Variants in POLR1D observed in about 807,000 individuals in gnomAD.
POLR1D encodes RNA polymerase I and III subunit D.
POLR1D carries 8 observed loss-of-function variants against 10.8 expected under a neutral mutation model. That is an observed-to-expected ratio of 0.74 (90% CI 0.43 to 1.33). The LOEUF (loss-of-function observed/expected upper bound fraction) is 1.33. POLR1D is among the 40% of genes most tolerant of loss of function. POLR1D has a pLI of 0.01. For synonymous variants in POLR1D, 54 were observed against 57.2 expected (o/e 0.94, Z 0.25); for missense variants, 152 against 161.7 (o/e 0.94, Z 0.32).
intron 1 of POLR1D, chr13:27,648,121 G>A (rs1956236373): frequency 3.0e-6 from 1 of 338,238 alleles, no homozygotes; most frequent in African/African-American, 2.1e-5. Context: ...TTATATTAAG[G>A]ATATATGATT....
intron 1 of POLR1D, among the ~76,000 whole-genome samples, chr13:27,638,453 TAAA>T (rs1956146222): frequency 6.6e-6 from 1 of 152,258 alleles, no homozygotes; most frequent in Non-Finnish European, 1.5e-5. Context: ...TGTGTATTTT[TAAA>T]TGAAAACACT....
chr13:27,642,723 A>T (rs192382596), intron 1 of POLR1D, among the ~76,000 whole-genome samples: 1 of 152,206 alleles, frequency 6.6e-6, no homozygotes. Context: ...AAAAATAGCT[A>T]TCATATTTCT....
At chr13:27,631,689 CG>C (rs1340982919) in intron 1 of POLR1D, among the ~76,000 whole-genome samples, 15 of 151,966 alleles carry the variant, frequency 9.9e-5, no homozygotes, top group Non-Finnish European at 1.9e-4. Flanking sequence ...ATCTCCTTGG[CG>C]GCAAGGGCTT....
rs1956381415 is a variant in POLR1D, at chr13:27,663,196, C to T, written c.102-2490C>T. Among the ~76,000 whole-genome samples, 1 of 151,944 alleles carries T rather than the reference C, an allele frequency of 6.6e-6. No individual in the cohort carries two copies. Among genetic ancestry groups the T allele is most frequent in the Non-Finnish European group, 1.5e-5 (1 of 68,006 alleles). On this transcript the variant is annotated intron_variant, in intron 2 of 2. Transcript: ENST00000399697. This position sits in a 1 kb window ranked among gnomAD's most constrained non-coding sequence, Gnocchi z 4.1. The stretch of plus-strand genomic sequence containing the variant: ...TATGTACCTTCACATCTGCTTGCAA[C>T]TACTGTATCTCATTGCCCTGCCCTA...
intron 1 of POLR1D, among the ~76,000 whole-genome samples, chr13:27,630,580 C>T (rs1455083118): frequency 8.5e-5 from 13 of 152,156 alleles, no homozygotes; most frequent in Admixed American, 8.5e-4. Context: ...TCCACACTTC[C>T]TATCTTATGA....
intron 2 of POLR1D, chr13:27,649,919 A>G (rs1303235808): frequency 2.5e-6 from 1 of 395,892 alleles, no homozygotes; most frequent in African/African-American, 2.1e-5. Context: ...CCCCAAGACT[A>G]TCCTTACTTC....
chr13:27,635,149 A>G (rs1956110538), intron 1 of POLR1D, among the ~76,000 whole-genome samples: 1 of 152,220 alleles, frequency 6.6e-6, no homozygotes, highest in Admixed American at 6.5e-5. Context: ...ACATGAAAAG[A>G]ATCAAATGAA....
chr13:27,636,291 A>C (rs1956123512), intron 1 of POLR1D, among the ~76,000 whole-genome samples: 1 of 152,212 alleles, frequency 6.6e-6, no homozygotes, highest in Admixed American at 6.5e-5. Context: ...CAAAAACCAG[A>C]TATTATTTAG....
At chr13:27,632,287 G>T (rs1230503840) in intron 1 of POLR1D, among the ~76,000 whole-genome samples, 1 of 152,172 alleles carries the variant, frequency 6.6e-6, no homozygotes, top group African/African-American at 2.4e-5. Context: ...GGGAAAAAGT[G>T]GTAGGATTGT....
At chr13:27,652,039 G>C (rs1296098165) in intron 2 of POLR1D, among the ~76,000 whole-genome samples, 1 of 152,122 alleles carries the variant, frequency 6.6e-6, no homozygotes, top group East Asian at 1.9e-4. Flanking sequence ...TTAGGCACAG[G>C]GTGCTTTGGT....
chr13:27,665,305 C>T lies in POLR1D; in HGVS notation c.102-381C>T, dbSNP rs552778888. 7.5e-5 allele frequency: 16 copies of T among 214,604 alleles called. No individual in the cohort carries two copies. In the South Asian group the frequency reaches 1.0e-3, roughly 14 times the overall value. The allele number at this position is 214,604 out of a possible 1,614,324, so 13.3% of individuals were successfully genotyped here. A position where few individuals can be genotyped will look rare whatever the true frequency, so the allele number is the denominator to read the frequency against. On this transcript the variant is annotated intron_variant, in intron 2 of 2. Coordinates refer to the POLR1D transcript ENST00000399697. ...CAGTTTTCACTGTCTGGTAATAAAA[C>T]GCAAGATGCAATAAATTTAATCCAA...
In POLR1D at chr13:27,663,542, TC is replaced by T. The variant is rs1401546224; in HGVS notation, c.102-2140del. Among the ~76,000 whole-genome samples, 1 of 152,232 alleles carries T rather than the reference TC, an allele frequency of 6.6e-6. No homozygotes were observed. Among genetic ancestry groups the T allele is most frequent in the Non-Finnish European group, 1.5e-5 (1 of 68,042 alleles). The stretch of plus-strand genomic sequence containing the variant: ...ACTAGCAGTTGGAAGATAGGTGCAG[TC>T]CCCTCTGCCTCTTGGCGTGAATGCT... On this transcript the variant is annotated intron_variant, in intron 2 of 2. Transcript: ENST00000399697. This position sits in a 1 kb window ranked among gnomAD's most constrained non-coding sequence, Gnocchi z 4.1.
chr13:27,628,732 C>T (rs891567739), intron 1 of POLR1D, among the ~76,000 whole-genome samples: 1 of 152,160 alleles, frequency 6.6e-6, no homozygotes, highest in African/African-American at 2.4e-5. Flanking sequence ...TTGGACTACT[C>T]TGTGGGAAGG....
chr13:27,643,356 A>G (rs533587594), intron 1 of POLR1D, among the ~76,000 whole-genome samples: 10 of 152,250 alleles, frequency 6.6e-5, no homozygotes, highest in African/African-American at 1.9e-4. Flanking sequence ...GCTTTTCACA[A>G]TTTGAATTTT....
At chr13:27,629,341 G>A (rs1485490686) in intron 1 of POLR1D, among the ~76,000 whole-genome samples, 3 of 152,184 alleles carry the variant, frequency 2.0e-5, no homozygotes, top group South Asian at 4.1e-4. Flanking sequence ...TCTGCAAATT[G>A]GGATAACAAT....
intron 1 of POLR1D, among the ~76,000 whole-genome samples, chr13:27,643,636 A>C (rs1214293707): frequency 1.3e-5 from 2 of 152,178 alleles, no homozygotes; most frequent in African/African-American, 2.4e-5. Flanking sequence ...CCTGACATCA[A>C]AACTTTACTG....
chr13:27,647,288 A>G (rs1347294777), intron 1 of POLR1D, among the ~76,000 whole-genome samples: 1 of 152,202 alleles, frequency 6.6e-6, no homozygotes, highest in African/African-American at 2.4e-5. Flanking sequence ...ATACATGTTC[A>G]TTGTAGAAAA....
rs1956388698 is a variant in POLR1D at position 27,663,800 on chromosome 13, AGAATTCTTCTGT to A, written c.102-1885_102-1874del. Among the ~76,000 whole-genome samples the A allele has an allele frequency of 6.6e-6, 1 of 152,192 alleles. No homozygotes were observed. Among genetic ancestry groups the A allele is most frequent in the African/African-American group, 2.4e-5 (1 of 41,444 alleles). ...TGGCCCACTTCAGTGAAAAGACCCC[AGAATTCTTCTGT>A]TGCTGGACATGTTTCACCAGCTACT... On this transcript the variant is annotated intron_variant, in intron 2 of 2. Coordinates refer to the POLR1D transcript ENST00000399697. This position sits in a 1 kb window ranked among gnomAD's most constrained non-coding sequence, Gnocchi z 4.1.
chr13:27,624,217 ACTT>A (rs1220260991), downstream of POLR1D, among the ~76,000 whole-genome samples: 1 of 152,074 alleles, frequency 6.6e-6, no homozygotes, highest in East Asian at 1.9e-4. Context: ...TAGTTTGGGT[ACTT>A]CTTTGTGCTT....
Sources: gnomAD v4.1 joint callset for allele counts (sites outside exome capture counted in the v4.1 genomes callset) on GRCh38, gnomAD v4.1.1 for gene constraint, Gnocchi (gnomAD v3.1) non-coding constraint, MANE v1.5 for transcripts, NCBI Gene and HGNC (gene_info 2026-07-23, HGNC 2026-07-21) for gene names.